MCU: variants seen among roughly 807,000 people sequenced by gnomAD.
The protein encoded by MCU is mitochondrial calcium uniporter.
In MCU, 12 loss-of-function variants were observed where a neutral mutation model predicts 45.2. The observed-to-expected ratio is 0.27, with a 90% CI of 0.17 to 0.43. The LOEUF (loss-of-function observed/expected upper bound fraction) is 0.43. MCU is among the 20% of genes least tolerant of loss of function. The pLI, the probability that MCU is intolerant of heterozygous loss-of-function variation, is 1.00. For synonymous variants in MCU, 160 were observed against 165.1 expected (o/e 0.97, Z 0.24); for missense variants, 324 against 436.7 (o/e 0.74, Z 2.30).
At chr10:72,720,729 T>C (rs900166737) in intron 1 of MCU, among the ~76,000 whole-genome samples, 1 of 152,250 alleles carries the variant, frequency 6.6e-6, no homozygotes, top group African/African-American at 2.4e-5. Flanking sequence ...AGGAAAGGGC[T>C]TGGATTACAG....
chr10:72,800,046 A>G (rs1844315001), intron 1 of MCU, among the ~76,000 whole-genome samples: 1 of 152,250 alleles, frequency 6.6e-6, no homozygotes, highest in African/African-American at 2.4e-5. Context: ...TGACATGCCA[A>G]GTGGAACATT....
At position 72,738,622 on chromosome 10, in the gene MCU, AC is replaced by A. The variant is rs1418656408; in HGVS notation, c.150+46322del. Among the ~76,000 whole-genome samples, 4 of 152,356 alleles carry A rather than the reference AC, an allele frequency of 2.6e-5. No homozygotes were observed. The East Asian group carries it at 7.7e-4, about 29-fold the overall frequency. ...CCAAAGGAAATGTTATGTAAAACTT[AC>A]AGTTTCTTATCTGTGGAAATGCTAT... On this transcript the variant is annotated intron_variant, in intron 1 of 7. Coordinates refer to ENST00000373053, the MANE Select transcript of MCU (RefSeq NM_138357.3).
At chr10:72,770,789 G>C (rs1843794758) in intron 1 of MCU, among the ~76,000 whole-genome samples, 2 of 152,106 alleles carry the variant, frequency 1.3e-5, no homozygotes, top group South Asian at 4.1e-4. Flanking sequence ...TATAGACCCA[G>C]TAGTACAATT....
At chr10:72,851,497 G>A (rs1045110616) in intron 2 of MCU, among the ~76,000 whole-genome samples, 2 of 152,132 alleles carry the variant, frequency 1.3e-5, no homozygotes, top group Admixed American at 6.5e-5. Flanking sequence ...GATTCTTCAA[G>A]GATAGTTTGG....
chr10:72,726,696 C>A (rs745601967), intron 1 of MCU, among the ~76,000 whole-genome samples: 4 of 152,146 alleles, frequency 2.6e-5, no homozygotes, highest in Non-Finnish European at 5.9e-5. Context: ...TGAAACACTT[C>A]TGGTCCAAAG....
In MCU at chr10:72,868,806, A is replaced by AAGGG. The variant is rs1258688274; in HGVS notation, c.603_606dup (p.Leu203GlyfsTer4). ...TTGAGCAGCACCAGTTAAACAAGGAAAGGGAGCTTATTGAAAGACTAGAGG... is the reference window on the plus strand; with the variant it reads ...TTGAGCAGCACCAGTTAAACAAGGAAAGGGAGGGAGCTTATTGAAAGACTAGAGG... On this transcript the variant is annotated frameshift_variant, in exon 5 of 8. Coordinates refer to ENST00000373053, the MANE Select transcript of MCU (RefSeq NM_138357.3). LOFTEE classifies it high-confidence loss of function. 1 of 1,614,072 alleles carries AAGGG rather than the reference A, an allele frequency of 6.2e-7. No homozygotes were observed. Among genetic ancestry groups the AAGGG allele is most frequent in the Non-Finnish European group, 8.5e-7 (1 of 1,180,032 alleles).
intron 1 of MCU, chr10:72,692,666 T>G: frequency 8.4e-7 from 1 of 1,190,884 alleles, no homozygotes; most frequent in East Asian, 4.4e-5. Flanking sequence ...CGGAGCCAGA[T>G]GGAAGTTGTC....
At chr10:72,822,974 A>T (rs897941270) in intron 1 of MCU, among the ~76,000 whole-genome samples, 2 of 152,218 alleles carry the variant, frequency 1.3e-5, no homozygotes, top group Non-Finnish European at 2.9e-5. Context: ...TCACAATGTT[A>T]TCAGAGTTCC....
intron 1 of MCU, chr10:72,720,889 A>C (rs1843012951): frequency 6.6e-6 from 1 of 152,190 alleles, no homozygotes; most frequent in Non-Finnish European, 1.5e-5. Context: ...GAAGTACTTT[A>C]TACATCCAAC....
intron 1 of MCU, among the ~76,000 whole-genome samples, chr10:72,700,200 C>T (rs558076428): frequency 6.6e-6 from 1 of 151,864 alleles, no homozygotes; most frequent in African/African-American, 2.4e-5. Flanking sequence ...GCGGGGATTA[C>T]AGGCACCTGC....
rs1050136403 is a variant in MCU, at chr10:72,743,134, C to T, written c.150+50833C>T. ...GAAAAGTGAGGGGTTTTGGGCTGGG[C>T]GTGGTGGCTCACACCTGTAATCCCG... On this transcript the variant is annotated intron_variant, in intron 1 of 7. Coordinates refer to ENST00000373053, the MANE Select transcript of MCU (RefSeq NM_138357.3). Among the ~76,000 whole-genome samples the T allele has an allele frequency of 4.0e-5, 6 of 151,810 alleles. 1 individual carries two copies. The South Asian group carries it at 1.0e-3, about 26-fold the overall frequency.
chr10:72,770,236 A>G (rs1429499252), intron 1 of MCU, among the ~76,000 whole-genome samples: 1 of 152,042 alleles, frequency 6.6e-6, no homozygotes, highest in Admixed American at 6.5e-5. Flanking sequence ...TTATATTTTT[A>G]TACCTCTCTT....
intron 6 of MCU, among the ~76,000 whole-genome samples, chr10:72,880,550 T>A (rs1410113382): frequency 6.6e-6 from 1 of 152,126 alleles, no homozygotes; most frequent in Non-Finnish European, 1.5e-5. Flanking sequence ...TCAGTTCTAC[T>A]CAACTGATCC....
At position 72,784,838 on chromosome 10, in the gene MCU, T is replaced by C. The variant is rs368743123; in HGVS notation, c.151-49521T>C. ...GGGAATCCCTCCTACCAAGAGTATT[T>C]TGGGAAATTCCTAAATGCTGATGTG... is the stretch of plus-strand genomic sequence containing the variant. On this transcript the variant is annotated intron_variant, in intron 1 of 7. Transcript: ENST00000373053. Among the ~76,000 whole-genome samples, 6 of 152,280 alleles carry C rather than the reference T, an allele frequency of 3.9e-5. 1 individual carries two copies. The highest frequency in any genetic ancestry group is 1.4e-4 in the African/African-American group (6 of 41,558).
At chr10:72,841,305 A>T (rs1409167584) in intron 2 of MCU, among the ~76,000 whole-genome samples, 1 of 152,072 alleles carries the variant, frequency 6.6e-6, no homozygotes, top group Non-Finnish European at 1.5e-5. Flanking sequence ...ACCAGAAAAA[A>T]AAAATTTTTT....
At chr10:72,867,554 G>T (rs749124235) in intron 4 of MCU, among the ~76,000 whole-genome samples, 1 of 151,884 alleles carries the variant, frequency 6.6e-6, no homozygotes, top group African/African-American at 2.4e-5. Flanking sequence ...AAGAATGAGG[G>T]TTAAGATTAT....
At chr10:72,884,911 G>A (rs756281152) in intron 7 of MCU, among the ~76,000 whole-genome samples, 1 of 152,118 alleles carries the variant, frequency 6.6e-6, no homozygotes, top group Non-Finnish European at 1.5e-5. Context: ...ATTTCTGGAT[G>A]TGCCTCCCTC....
chr10:72,738,678 C>T (rs1410908422), intron 1 of MCU, among the ~76,000 whole-genome samples: 2 of 152,230 alleles, frequency 1.3e-5, no homozygotes, highest in Non-Finnish European at 2.9e-5. Flanking sequence ...ATGGTCACTC[C>T]TCTGCTTAAA....
rs71021537 is a variant in MCU at position 72,813,450 on chromosome 10, CTTTTTTTTTTTT to C, written c.151-20894_151-20883del. Among the ~76,000 whole-genome samples the C allele has an allele frequency of 7.9e-5, 6 of 76,220 alleles. No homozygotes were observed. In the South Asian group the frequency reaches 1.4e-3, roughly 18 times the overall value. The allele number at this position is 76,220 out of a possible 152,430, so 50.0% of individuals were successfully genotyped here. A position where few individuals can be genotyped will look rare whatever the true frequency, so the allele number is the denominator to read the frequency against. The stretch of plus-strand genomic sequence containing the variant: ...CTGTTAATTTAAATACCAGCTCTCT[CTTTTTTTTTTTT>C]TTTTTTTTTTTTTTGAGATGGAGTC... On this transcript the variant is annotated intron_variant, in intron 1 of 7. Coordinates refer to ENST00000373053, the MANE Select transcript of MCU (RefSeq NM_138357.3).
Sources: gnomAD v4.1 joint callset for allele counts (sites outside exome capture counted in the v4.1 genomes callset) on GRCh38, gnomAD v4.1.1 for gene constraint, MANE v1.5 for transcripts, NCBI Gene and HGNC (gene_info 2026-07-23, HGNC 2026-07-21) for gene names.